The following IMMP2L variants were observed in gnomAD, a reference collection of about 807,000 sequenced individuals.
The protein encoded by IMMP2L is inner mitochondrial membrane peptidase subunit 2, also known as mitochondrial inner membrane protease subunit 2.
Under a neutral mutation model 19.3 loss-of-function variants are expected in IMMP2L, and 18 were observed. The observed-to-expected ratio is 0.93, with a 90% CI of 0.64 to 1.38. The LOEUF (loss-of-function observed/expected upper bound fraction) is 1.38. Among genes scored for constraint, IMMP2L ranks in the 40% most tolerant of loss-of-function variants. IMMP2L has a pLI of 0.00. For synonymous variants in IMMP2L, 76 were observed against 73.0 expected (o/e 1.04, Z -0.21); for missense variants, 233 against 218.2 (o/e 1.07, Z -0.43).
At chr7:111,302,041 C>A (rs115129217) in intron 3 of IMMP2L, among the ~76,000 whole-genome samples, 1,604 of 151,184 alleles carry the variant, frequency 0.011, 30 homozygotes, top group African/African-American at 0.036. Flanking sequence ...ACCAGCCTCT[C>A]AGGTCACACC....
At chr7:111,033,801 G>A (rs754212096) in intron 3 of IMMP2L, among the ~76,000 whole-genome samples, 3 of 152,108 alleles carry the variant, frequency 2.0e-5, no homozygotes, top group Non-Finnish European at 4.4e-5. Context: ...AAAACTTGTA[G>A]TTAATATTCA....
intron 3 of IMMP2L, among the ~76,000 whole-genome samples, chr7:111,432,284 G>A (rs972680151): frequency 6.6e-6 from 1 of 151,576 alleles, no homozygotes; most frequent in Non-Finnish European, 1.5e-5. Flanking sequence ...GATTGTTGTG[G>A]TGTTAGAGTA....
intron 3 of IMMP2L, among the ~76,000 whole-genome samples, chr7:111,150,105 A>G (rs1803910096): frequency 6.6e-6 from 1 of 152,156 alleles, no homozygotes; most frequent in African/African-American, 2.4e-5. Flanking sequence ...GAAAACGTAA[A>G]ATCTCAACCA....
Position 111,115,912 on chromosome 7 carries a change from G to A in IMMP2L, c.240-152347C>T, listed in dbSNP as rs549385106. Among the ~76,000 whole-genome samples the A allele has an allele frequency of 4.6e-5, 7 of 152,114 alleles. No individual in the cohort carries two copies. The South Asian group carries it at 1.5e-3, about 32-fold the overall frequency. On this transcript the variant is annotated intron_variant, in intron 3 of 5. Transcript: ENST00000405709. ...GGCTGGTCTCAAACTCCTGGCCTTA[G>A]GTGATCCACCCAACTCAGCCTCCCA...
chr7:111,416,244 A>G (rs1834947049), intron 3 of IMMP2L, among the ~76,000 whole-genome samples: 1 of 151,854 alleles, frequency 6.6e-6, no homozygotes, highest in Non-Finnish European at 1.5e-5. Flanking sequence ...CTGCATTAAA[A>G]ATTTCTTCCC....
chr7:110,693,409 C>A (rs1366626897), intron 5 of IMMP2L, among the ~76,000 whole-genome samples: 1 of 152,158 alleles, frequency 6.6e-6, no homozygotes, highest in Admixed American at 6.5e-5. Context: ...TAAAATAGTG[C>A]CATCTAGTCT....
At chr7:111,349,147 C>T (rs1043103579) in intron 3 of IMMP2L, among the ~76,000 whole-genome samples, 8 of 152,058 alleles carry the variant, frequency 5.3e-5, no homozygotes, top group African/African-American at 1.7e-4. Flanking sequence ...GAGGAGTCTC[C>T]CAGAGCTCTA....
intron 5 of IMMP2L, among the ~76,000 whole-genome samples, chr7:110,743,729 G>A (rs1797141780): frequency 6.6e-6 from 1 of 152,228 alleles, no homozygotes; most frequent in African/African-American, 2.4e-5. Context: ...ATTAGGGACT[G>A]TACTGTGCAC....
intron 2 of IMMP2L, among the ~76,000 whole-genome samples, chr7:111,520,816 C>T (rs1020585455): frequency 3.3e-5 from 5 of 152,084 alleles, no homozygotes. Flanking sequence ...AAAGTTCTTC[C>T]ACTGTAAACT....
chr7:110,688,602 T>C (rs1294152023), intron 5 of IMMP2L, among the ~76,000 whole-genome samples: 2 of 151,920 alleles, frequency 1.3e-5, no homozygotes, highest in Non-Finnish European at 2.9e-5. Context: ...AAAAAAAAAC[T>C]AGGACAAGTT....
intron 3 of IMMP2L, among the ~76,000 whole-genome samples, chr7:111,088,450 T>TA (rs759363992): frequency 2.3e-4 from 35 of 149,418 alleles, no homozygotes; most frequent in Non-Finnish European, 1.6e-4. Flanking sequence ...GGAAGAAACT[T>TA]AAAAAAAAAT....
At chr7:111,197,071 G>C (rs1210475007) in intron 3 of IMMP2L, among the ~76,000 whole-genome samples, 1 of 152,120 alleles carries the variant, frequency 6.6e-6, no homozygotes, top group Non-Finnish European at 1.5e-5. Context: ...TTAATGCTAT[G>C]TTATTTTACA....
chr7:110,939,553 C>T (rs577355559), intron 4 of IMMP2L, among the ~76,000 whole-genome samples: 1 of 152,264 alleles, frequency 6.6e-6, no homozygotes, highest in Admixed American at 6.5e-5. Context: ...TTGACAACAG[C>T]ATGAAGCACT....
chr7:111,423,634 G>T (rs1835797466), intron 3 of IMMP2L, among the ~76,000 whole-genome samples: 1 of 151,430 alleles, frequency 6.6e-6, no homozygotes, highest in Admixed American at 6.6e-5. Context: ...TGCTAGAGGT[G>T]TATCTTTGGG....
At chr7:111,183,121 G>T (rs1325784103) in intron 3 of IMMP2L, among the ~76,000 whole-genome samples, 2 of 151,926 alleles carry the variant, frequency 1.3e-5, no homozygotes, top group Non-Finnish European at 2.9e-5. Context: ...AATGAAGAAA[G>T]GCCATTATGT....
intron 4 of IMMP2L, among the ~76,000 whole-genome samples, chr7:110,956,052 C>T (rs1818324119): frequency 6.6e-6 from 1 of 151,972 alleles, no homozygotes; most frequent in African/African-American, 2.4e-5. Context: ...ATTCAACCAG[C>T]TATGATAGGC....
At chr7:110,888,513 T>G (rs1360189844) in intron 4 of IMMP2L, among the ~76,000 whole-genome samples, 2 of 152,150 alleles carry the variant, frequency 1.3e-5, no homozygotes, top group Non-Finnish European at 2.9e-5. Context: ...AAAACCAGCA[T>G]AAAATCATTT....
At chr7:111,312,440 T>C (rs948424609) in intron 3 of IMMP2L, among the ~76,000 whole-genome samples, 1 of 152,284 alleles carries the variant, frequency 6.6e-6, no homozygotes, top group East Asian at 1.9e-4. Flanking sequence ...TTCAGCTGCA[T>C]CATTACTGCA....
chr7:111,447,872 G>T (rs930483515), intron 3 of IMMP2L, among the ~76,000 whole-genome samples: 2 of 150,974 alleles, frequency 1.3e-5, no homozygotes, highest in Middle Eastern at 3.2e-3. Flanking sequence ...GATCTACCAA[G>T]CAAATGGAAA....
Sources: gnomAD v4.1 joint callset for allele counts (sites outside exome capture counted in the v4.1 genomes callset) on GRCh38, gnomAD v4.1.1 for gene constraint, MANE v1.5 for transcripts, NCBI Gene and HGNC (gene_info 2026-07-23, HGNC 2026-07-21) for gene names.